The following FARS2 variants were observed in gnomAD, a reference collection of about 807,000 sequenced individuals.
FARS2 encodes the protein phenylalanine--tRNA ligase, mitochondrial.
FARS2 carries 40 observed loss-of-function variants against 46.4 expected under a neutral mutation model. The observed-to-expected ratio is 0.86, with a 90% CI of 0.67 to 1.12. The LOEUF (loss-of-function observed/expected upper bound fraction) is 1.12, where lower values mean the gene tolerates loss of function less well. Among genes scored for constraint, FARS2 ranks in the 50% most tolerant of loss-of-function variants. The pLI, the probability that FARS2 is intolerant of heterozygous loss-of-function variation, is 0.00. For synonymous variants in FARS2, 234 were observed against 214.9 expected (o/e 1.09, Z -0.78); for missense variants, 513 against 567.9 (o/e 0.90, Z 0.98).
At chr6:5,673,077 C>A (rs563869185) in intron 6 of FARS2, among the ~76,000 whole-genome samples, 109 of 152,316 alleles carry the variant, frequency 7.2e-4, no homozygotes, top group Non-Finnish European at 1.2e-3. Flanking sequence ...AAGAGCCCCC[C>A]AACACCTTTT....
intron 1 of FARS2, among the ~76,000 whole-genome samples, chr6:5,263,185 TTCTA>T (rs1273434872): frequency 1.3e-5 from 2 of 152,224 alleles, no homozygotes; most frequent in Admixed American, 1.3e-4. Context: ...ATACAATTGT[TTCTA>T]CCTAATTATC....
intron 4 of FARS2, among the ~76,000 whole-genome samples, chr6:5,486,459 G>A (rs557185769): frequency 8.7e-4 from 132 of 152,262 alleles, no homozygotes; most frequent in African/African-American, 3.1e-3. Flanking sequence ...TGAAAAATTT[G>A]TGGTAAATCT....
chr6:5,648,790 AT>A (rs1207832733), intron 6 of FARS2, among the ~76,000 whole-genome samples: 15 of 152,304 alleles, frequency 9.8e-5, no homozygotes, highest in Admixed American at 6.5e-4. Context: ...ATATAAAAAT[AT>A]TACGTATTAG....
At position 5,709,671 on chromosome 6, in the gene FARS2, G is replaced by GGTGTGTGTGT. The variant is rs771506886; in HGVS notation, c.1218-61602_1218-61593dup. Among the ~76,000 whole-genome samples the GGTGTGTGTGT allele has an allele frequency of 2.7e-3, 265 of 97,218 alleles. 2 individuals carry two copies. The highest frequency in any genetic ancestry group is 9.2e-3 in the African/African-American group (262 of 28,460). The allele number at this position is 97,218 out of a possible 152,430, so 63.8% of individuals were successfully genotyped here. On this transcript the variant is annotated intron_variant, in intron 6 of 6. Coordinates refer to ENST00000274680, the MANE Select transcript of FARS2 (RefSeq NM_006567.5). ...TGGTCCCCTGTTGATGTTCCAAGAG[G>GGTGTGTGTGT]GTGTGTGTGTGTGTGTGTGTGTGTG...
intron 6 of FARS2, among the ~76,000 whole-genome samples, chr6:5,633,848 T>C (rs1380536839): frequency 4.6e-5 from 7 of 152,202 alleles, no homozygotes; most frequent in African/African-American, 1.7e-4. Context: ...CTGTTGGCAT[T>C]TTACAAACAG....
chr6:5,682,457 A>C (rs987079317), intron 6 of FARS2, among the ~76,000 whole-genome samples: 5 of 152,208 alleles, frequency 3.3e-5, no homozygotes, highest in African/African-American at 1.2e-4. Flanking sequence ...GGGTGGTGGA[A>C]TTCATTTGCA....
chr6:5,524,141 A>G (rs1769320321), intron 4 of FARS2, among the ~76,000 whole-genome samples: 1 of 152,226 alleles, frequency 6.6e-6, no homozygotes, highest in Non-Finnish European at 1.5e-5. Context: ...TTCTACTCCT[A>G]TTCACATCTT....
chr6:5,548,121 T>C (rs1017190218), intron 5 of FARS2, among the ~76,000 whole-genome samples: 1 of 152,216 alleles, frequency 6.6e-6, no homozygotes, highest in Non-Finnish European at 1.5e-5. Flanking sequence ...CCATCAGATC[T>C]TGTGAGACTT....
chr6:5,338,890 A>T (rs976241013), intron 1 of FARS2, among the ~76,000 whole-genome samples: 1 of 152,146 alleles, frequency 6.6e-6, no homozygotes, highest in African/African-American at 2.4e-5. Flanking sequence ...CAGTCCCCAG[A>T]TTTACTAGCC....
chr6:5,443,236 G>A (rs543455576), intron 4 of FARS2, among the ~76,000 whole-genome samples: 1 of 152,338 alleles, frequency 6.6e-6, no homozygotes, highest in South Asian at 2.1e-4. Context: ...ACATGTAGAA[G>A]CTGTTGGCAC....
chr6:5,405,678 G>C (rs183090468), intron 3 of FARS2, among the ~76,000 whole-genome samples: 1 of 151,892 alleles, frequency 6.6e-6, no homozygotes. Context: ...ATTTTTAGTA[G>C]AGACAGGGTT....
At chr6:5,383,544 C>T (rs2127673610) in intron 2 of FARS2, among the ~76,000 whole-genome samples, 1 of 145,422 alleles carries the variant, frequency 6.9e-6, no homozygotes, top group Non-Finnish European at 1.5e-5. Flanking sequence ...CTTCAGCGTC[C>T]ATAACTAAAA....
chr6:5,561,472 C>A (rs12202010), intron 5 of FARS2, among the ~76,000 whole-genome samples: 66,060 of 151,912 alleles, frequency 0.43, 17,522 homozygotes, highest in Non-Finnish European at 0.61. Context: ...TAGTCATTCT[C>A]CCTTAGCTCT....
chr6:5,516,807 T>G (rs552005216), intron 4 of FARS2, among the ~76,000 whole-genome samples: 2 of 152,348 alleles, frequency 1.3e-5, no homozygotes, highest in African/African-American at 4.8e-5. Context: ...TATAATATGT[T>G]TACTCAGGAA....
intron 6 of FARS2, among the ~76,000 whole-genome samples, chr6:5,753,783 A>T (rs896225386): frequency 6.6e-6 from 1 of 152,190 alleles, no homozygotes. Context: ...TTTCAGAGAG[A>T]GACTCACCGG....
In FARS2 at chr6:5,311,135, G is replaced by A. The variant is rs1297942068; in HGVS notation, c.-22+49475G>A. ...GTTAAATAAATCATGGTGCATCCAG[G>A]TGATGATATGGTTTGTAGTTGTTGC... On this transcript the variant is annotated intron_variant, in intron 1 of 6. Transcript: ENST00000274680. This position sits in a 1 kb window ranked among gnomAD's most constrained non-coding sequence, Gnocchi z 4.1. Among the ~76,000 whole-genome samples the A allele has an allele frequency of 6.6e-5, 10 of 152,202 alleles. No homozygotes were observed. Among genetic ancestry groups the A allele is most frequent in the Non-Finnish European group, 1.3e-4 (9 of 68,034 alleles).
At chr6:5,289,604 A>C (rs1387009380) in intron 1 of FARS2, among the ~76,000 whole-genome samples, 1 of 152,112 alleles carries the variant, frequency 6.6e-6, no homozygotes, top group African/African-American at 2.4e-5. Context: ...ACAAAGTTAC[A>C]CTCCTATGCA....
At chr6:5,706,518 C>T (rs1758777612) in intron 6 of FARS2, among the ~76,000 whole-genome samples, 1 of 152,178 alleles carries the variant, frequency 6.6e-6, no homozygotes, top group Non-Finnish European at 1.5e-5. Context: ...GCTCACAGGG[C>T]CTGGCTGGTA....
At chr6:5,612,110 C>T (rs879937249) in intron 5 of FARS2, among the ~76,000 whole-genome samples, 1 of 151,884 alleles carries the variant, frequency 6.6e-6, no homozygotes, top group Non-Finnish European at 1.5e-5. Context: ...TGCTAACTAT[C>T]GTGTTTGTAT....
Sources: gnomAD v4.1 joint callset for allele counts (sites outside exome capture counted in the v4.1 genomes callset) on GRCh38, gnomAD v4.1.1 for gene constraint, Gnocchi (gnomAD v3.1) non-coding constraint, MANE v1.5 for transcripts, NCBI Gene and HGNC (gene_info 2026-07-23, HGNC 2026-07-21) for gene names.